Variants in FRAS1 observed in about 807,000 individuals in gnomAD.
The protein encoded by FRAS1 is Fraser extracellular matrix complex subunit 1.
Under a neutral mutation model 435.2 loss-of-function variants are expected in FRAS1, and 290 were observed. The ratio of observed to expected loss-of-function variants is 0.67; its 90% CI spans 0.61 to 0.73. The LOEUF is 0.73. FRAS1 is among the 30% of genes least tolerant of loss of function. The pLI is 0.00. For missense variants in FRAS1, 4,860 were observed against 5,001.5 expected (o/e 0.97, Z 0.85); for synonymous variants, 1,800 against 1,851.0 (o/e 0.97, Z 0.71).
At chr4:78,154,662 C>G (rs1446344429) in intron 2 of FRAS1, among the ~76,000 whole-genome samples, 1 of 152,084 alleles carries the variant, frequency 6.6e-6, no homozygotes, top group Non-Finnish European at 1.5e-5. Context: ...TAAAATCATT[C>G]TTATTGTGAT....
chr4:78,327,900 C>T (rs919895837), intron 18 of FRAS1, among the ~76,000 whole-genome samples: 1 of 152,076 alleles, frequency 6.6e-6, no homozygotes, highest in Admixed American at 6.5e-5. Context: ...GATGTTAACA[C>T]CTGTACTTGC....
intron 14 of FRAS1, among the ~76,000 whole-genome samples, chr4:78,300,832 G>A (rs111415883): frequency 4.0e-5 from 6 of 151,894 alleles, no homozygotes; most frequent in East Asian, 1.9e-4. Context: ...CCAAATACAC[G>A]TACCCCTTCC....
chr4:78,128,831 T>C (rs1479120013), intron 2 of FRAS1, among the ~76,000 whole-genome samples: 5 of 152,214 alleles, frequency 3.3e-5, no homozygotes, highest in Non-Finnish European at 7.3e-5. Context: ...TCCTTGCCCA[T>C]GCCTATGTCC....
intron 14 of FRAS1, among the ~76,000 whole-genome samples, chr4:78,302,372 G>A (rs1300377334): frequency 6.6e-6 from 1 of 151,208 alleles, no homozygotes; most frequent in African/African-American, 2.4e-5. Context: ...TATATACCCA[G>A]TAATGGGATG....
intron 71 of FRAS1, among the ~76,000 whole-genome samples, chr4:78,535,748 C>A (rs1721860965): frequency 6.6e-6 from 1 of 152,172 alleles, no homozygotes; most frequent in African/African-American, 2.4e-5. Context: ...GTCCTTGACC[C>A]ATTTGCCATG....
chr4:78,321,838 C>CGA (rs1553944558), intron 18 of FRAS1, among the ~76,000 whole-genome samples: 1 of 106,294 alleles, frequency 9.4e-6, no homozygotes, highest in African/African-American at 3.7e-5. Flanking sequence ...AAAACTTCGT[C>CGA]AAAAAAAAAA....
intron 4 of FRAS1, among the ~76,000 whole-genome samples, chr4:78,250,125 C>T (rs1230465820): frequency 1.3e-5 from 2 of 151,606 alleles, no homozygotes; most frequent in South Asian, 4.2e-4. Flanking sequence ...ATATTTTAAA[C>T]AATAATTTGC....
intron 31 of FRAS1, among the ~76,000 whole-genome samples, chr4:78,411,359 A>G (rs907441481): frequency 1.1e-4 from 17 of 152,036 alleles, no homozygotes; most frequent in African/African-American, 4.1e-4. Flanking sequence ...TGATCCGCCC[A>G]CCTCGGCCTC....
intron 15 of FRAS1, 22 bp from the exon 16 acceptor site, chr4:78,315,572 T>C (rs751186388): frequency 6.3e-7 from 1 of 1,595,862 alleles, no homozygotes; most frequent in South Asian, 1.1e-5. Context: ...CTTTCTCTGA[T>C]GGGTTTTTTG....
chr4:78,305,884 T>G (rs1323383667), intron 14 of FRAS1, among the ~76,000 whole-genome samples: 5 of 151,744 alleles, frequency 3.3e-5, no homozygotes, highest in Admixed American at 1.3e-4. Context: ...TATTGTTATG[T>G]GTGAATTTGA....
intron 19 of FRAS1, among the ~76,000 whole-genome samples, chr4:78,335,853 T>A (rs184370582): frequency 6.6e-6 from 1 of 152,104 alleles, no homozygotes; most frequent in East Asian, 1.9e-4. Context: ...TTTGTTGGAA[T>A]TGACACAGTA....
rs62308035 is a variant in FRAS1, at chr4:78,186,919, T to C, written c.109-50591T>C. ...TGCCAACATGTATTATAGTAATATA[T>C]GTACTTAGCTTCTCTCCAAATCTTT... On this transcript the variant is annotated intron_variant, in intron 2 of 73. Coordinates refer to ENST00000512123, the MANE Select transcript of FRAS1 (RefSeq NM_025074.7). Among the ~76,000 whole-genome samples the C allele has an allele frequency of 2.3e-3, 345 of 152,370 alleles. 2 individuals are homozygous for C. The highest frequency in any genetic ancestry group is 6.8e-3 in the Middle Eastern group (2 of 294).
intron 22 of FRAS1, among the ~76,000 whole-genome samples, chr4:78,367,093 G>A (rs931548859): frequency 3.3e-5 from 5 of 152,112 alleles, no homozygotes; most frequent in African/African-American, 4.8e-5. Context: ...ACGGTTCCAC[G>A]GGGGAATGAG....
intron 18 of FRAS1, among the ~76,000 whole-genome samples, chr4:78,321,192 G>T (rs1729491125): frequency 6.6e-6 from 1 of 152,198 alleles, no homozygotes; most frequent in South Asian, 2.1e-4. Flanking sequence ...TGCCTTACTA[G>T]TTTTGCTCAC....
At chr4:78,226,058 C>CT (rs1382012964) in intron 2 of FRAS1, among the ~76,000 whole-genome samples, 1 of 151,946 alleles carries the variant, frequency 6.6e-6, no homozygotes, top group Non-Finnish European at 1.5e-5. Context: ...TTTACTATTC[C>CT]TTTAGTGGTT....
chr4:78,323,520 T>A lies in FRAS1; in HGVS notation c.2137+4534T>A, dbSNP rs188990876. Among the ~76,000 whole-genome samples the A allele has an allele frequency of 5.9e-5, 9 of 152,248 alleles. No homozygotes were observed. The East Asian group carries it at 9.6e-4, about 16-fold the overall frequency. On this transcript the variant is annotated intron_variant, in intron 18 of 73. Coordinates refer to ENST00000512123, the MANE Select transcript of FRAS1 (RefSeq NM_025074.7). ...TCCCCCAAAACAACATCAGAAAACA[T>A]TTTTTACTTTTTTATCAGTCTTCCT... is the stretch of plus-strand genomic sequence containing the variant.
chr4:78,172,692 A>T (rs1336819467), intron 2 of FRAS1, among the ~76,000 whole-genome samples: 1 of 152,004 alleles, frequency 6.6e-6, no homozygotes, highest in Non-Finnish European at 1.5e-5. Context: ...GTTTTCTTTC[A>T]GTTTTATTTT....
At position 78,318,930 on chromosome 4, in the gene FRAS1, A is replaced by G. The variant is rs1729387692; in HGVS notation, c.2081A>G (p.Glu694Gly). The G allele has an allele frequency of 6.2e-7, 1 of 1,613,858 alleles. No individual in the cohort carries two copies. Among genetic ancestry groups the G allele is most frequent in the Non-Finnish European group, 8.5e-7 (1 of 1,179,882 alleles). ...TCTGACGTGGGCATCCCCTCTGGCG[A>G]GTGTCTAGCCCAGTGTAGAGCCCAT... ...QLSDVGIPSG[E>G]CLAQCRAHFY... is the part of the protein sequence containing the mutation. The change falls in exon 18 of 74, where the codon GAG becomes GGG. Residue 694 changes from glutamate to glycine, a missense_variant. By Grantham distance (98) the Glu-to-Gly change is moderately conservative (BLOSUM62 -2). Coordinates refer to ENST00000512123, the MANE Select transcript of FRAS1 (RefSeq NM_025074.7).
At chr4:78,169,282 T>C (rs1199098920) in intron 2 of FRAS1, among the ~76,000 whole-genome samples, 1 of 152,130 alleles carries the variant, frequency 6.6e-6, no homozygotes, top group African/African-American at 2.4e-5. Flanking sequence ...ACCATATTAC[T>C]TCTGGCAAAT....
Sources: gnomAD v4.1 joint callset for allele counts (sites outside exome capture counted in the v4.1 genomes callset) on GRCh38, gnomAD v4.1.1 for gene constraint, MANE v1.5 for transcripts, NCBI Gene and HGNC (gene_info 2026-07-23, HGNC 2026-07-21) for gene names.